DPP4: variants seen among roughly 807,000 people sequenced by gnomAD.
DPP4 encodes dipeptidyl peptidase 4.
Under a neutral mutation model 122.4 loss-of-function variants are expected in DPP4, and 93 were observed. The observed-to-expected ratio is 0.76, with a 90% CI of 0.64 to 0.90. DPP4 has a LOEUF of 0.90. Ranked by LOEUF, DPP4 falls within the 40% of genes least tolerant of loss-of-function variation. The probability of loss-of-function intolerance (pLI) is 0.00; values close to 1 mark genes in which losing one functional copy is unlikely to be tolerated. For synonymous variants in DPP4, 321 were observed against 302.9 expected, an observed-to-expected ratio of 1.06 and a Z score of -0.62; for missense variants, 914 against 907.3, an observed-to-expected ratio of 1.01 and a Z score of -0.09.
chr2:162,017,349 T>A, intron 16 of DPP4, 194 bp from the exon 17 acceptor site: 1 of 571,650 alleles, frequency 1.7e-6, no homozygotes, highest in Non-Finnish European at 3.1e-6. Context: ...AATTTCAGTG[T>A]AAGAAGTATT....
At chr2:162,043,496 CCAGTGACACAA>C (rs1684062955) in intron 5 of DPP4, among the ~76,000 whole-genome samples, 1 of 152,170 alleles carries the variant, frequency 6.6e-6, no homozygotes, top group Non-Finnish European at 1.5e-5. Context: ...CGGGTAAACT[CCAGTGACACAA>C]CAAATACAAA....
intron 2 of DPP4, among the ~76,000 whole-genome samples, chr2:162,073,049 T>C (rs1047151012): frequency 6.6e-6 from 1 of 152,070 alleles, no homozygotes. Flanking sequence ...CCTTTTTCGA[T>C]CACACCCAAA....
At chr2:162,065,789 G>A (rs1277346814) in intron 2 of DPP4, among the ~76,000 whole-genome samples, 1 of 152,264 alleles carries the variant, frequency 6.6e-6, no homozygotes, top group African/African-American at 2.4e-5. Context: ...TGCTTCCATA[G>A]CACTTTGATC....
intron 10 of DPP4, among the ~76,000 whole-genome samples, chr2:162,025,402 CT>C (rs1683290242): frequency 6.6e-6 from 1 of 152,142 alleles, no homozygotes; most frequent in African/African-American, 2.4e-5. Flanking sequence ...ACAGCTAACC[CT>C]TTTCTCAACT....
rs775610508 is a variant in DPP4 at position 162,008,575 on chromosome 2, C to T, written c.1974G>A (p.Arg658=). 5 of 1,613,600 alleles carry T rather than the reference C, an allele frequency of 3.1e-6. No individual in the cohort carries two copies. The highest frequency in any genetic ancestry group is 2.2e-5 in the East Asian group (1 of 44,874). Residue 658 remains arginine, a synonymous_variant, in exon 22 of 26, where the codon CGG becomes CGA. Coordinates refer to ENST00000360534, the MANE Select transcript of DPP4 (RefSeq NM_001935.4). ...KCGIAVAPVS[R]WEYYDSVYTE... ...GCAATTACATACCATAGTACTCCCA[C>T]CGGGATACAGGCGCCACGGCTATTC...
At chr2:162,000,366 G>C (rs556134810) in intron 23 of DPP4, among the ~76,000 whole-genome samples, 1 of 152,230 alleles carries the variant, frequency 6.6e-6, no homozygotes, top group East Asian at 1.9e-4. Context: ...GTACCCATGG[G>C]ATGCCAAGGA....
At chr2:162,013,996 G>A (rs1682810980) in intron 19 of DPP4, among the ~76,000 whole-genome samples, 4 of 152,014 alleles carry the variant, frequency 2.6e-5, no homozygotes, top group Admixed American at 2.6e-4. Flanking sequence ...AATATTTCAG[G>A]AACTAAAGGA....
In DPP4 at chr2:161,995,029, C is replaced by T. The variant is rs199667955; in HGVS notation, c.2131G>A (p.Val711Ile). 3.3e-5 allele frequency: 54 copies of T among 1,613,794 alleles called. No homozygotes were observed. The highest frequency in any genetic ancestry group is 4.4e-5 in the Non-Finnish European group (52 of 1,179,942). The change falls in exon 25 of 26, where the codon GTT becomes ATT. Residue 711 changes from valine (V) to isoleucine (I), a missense_variant. Transcript: ENST00000360534. ...ATCTGAGCTGACTGCTGAAAGTGAA[C>T]GTTATCTGCAGGGAGAGAAAGGAAA... Reference protein sequence around the residue: ...LLIHGTADDNVHFQQSAQISK... With the variant: ...LLIHGTADDNIHFQQSAQISK...
chr2:162,022,107 G>A (rs1559712177), intron 12 of DPP4, among the ~76,000 whole-genome samples: 1 of 152,150 alleles, frequency 6.6e-6, no homozygotes, highest in Non-Finnish European at 1.5e-5. Flanking sequence ...GTGACATGAT[G>A]ACTGGAGTTC....
intron 8 of DPP4, among the ~76,000 whole-genome samples, chr2:162,035,602 T>A (rs1357223910): frequency 6.6e-6 from 1 of 152,216 alleles, no homozygotes; most frequent in Non-Finnish European, 1.5e-5. Flanking sequence ...TTCTTTATCT[T>A]ATAATCCTCT....
At chr2:162,022,890 C>T (rs764834792) in intron 11 of DPP4, 91 bp from the exon 12 acceptor site, 32 of 1,228,000 alleles carry the variant, frequency 2.6e-5, no homozygotes, top group South Asian at 6.1e-5. Flanking sequence ...TAGAGCTGTA[C>T]TTATAATAAC....
chr2:162,070,835 T>C (rs2268886), intron 2 of DPP4, among the ~76,000 whole-genome samples: 5,440 of 152,234 alleles, frequency 0.036, 433 homozygotes, highest in East Asian at 0.27. Context: ...TAAACATACA[T>C]ACATACAAGT....
rs370351535 is a variant in DPP4, at chr2:162,033,377, C to T, written c.887+164G>A. Among the ~76,000 whole-genome samples the T allele has an allele frequency of 2.6e-4, 39 of 152,218 alleles. 1 individual carries two copies. In the East Asian group the frequency reaches 5.8e-3, roughly 23 times the overall value. On this transcript the variant is annotated intron_variant, in intron 10 of 25. Transcript: ENST00000360534. ...TCTAGAGTTGTGCCCAGCCTGAGGA[C>T]GTGAAGATGCTCAACAAAGAGTTGC... is the stretch of plus-strand genomic sequence containing the variant.
rs771372457 is a variant in DPP4 at position 162,073,964 on chromosome 2, C to A, written c.6+12G>T. On this transcript the variant is annotated intron_variant, in intron 1 of 25. Transcript: ENST00000360534. ...CAGCTCGCCCCGGGGACGTACGTGG[C>A]GCGGCACTCACCTTCATCGTCGGCG... is the stretch of plus-strand genomic sequence containing the variant. 6.8e-6 allele frequency: 11 copies of A among 1,611,648 alleles called. No homozygotes were observed. Among genetic ancestry groups the A allele is most frequent in the Non-Finnish European group, 5.1e-6 (6 of 1,178,874 alleles).
chr2:162,033,477 G>A (rs1683637813), intron 10 of DPP4, 64 bp downstream of exon 10: 2 of 1,326,160 alleles, frequency 1.5e-6, no homozygotes, highest in Non-Finnish European at 1.1e-6. Flanking sequence ...ATTCACTTTT[G>A]AAAAGTTCTC....
chr2:162,016,990 G>T, intron 17 of DPP4, 118 bp downstream of exon 17: 2 of 1,408,074 alleles, frequency 1.4e-6, no homozygotes, highest in Non-Finnish European at 2.0e-6. Flanking sequence ...TATAAGGCTT[G>T]TGTTCAACTC....
At chr2:162,053,957 G>A (rs1271003204) in intron 2 of DPP4, among the ~76,000 whole-genome samples, 5 of 152,164 alleles carry the variant, frequency 3.3e-5, no homozygotes, top group East Asian at 1.9e-4. Flanking sequence ...AATGTCAGCC[G>A]GGAGAGTCAC....
At chr2:162,065,069 T>C (rs776526980) in intron 2 of DPP4, among the ~76,000 whole-genome samples, 46 of 152,362 alleles carry the variant, frequency 3.0e-4, no homozygotes, top group Middle Eastern at 3.4e-3. Context: ...TCTCCTTCCA[T>C]GTGCTAGCAA....
chr2:162,067,063 A>G (rs1399598542), intron 2 of DPP4, among the ~76,000 whole-genome samples: 1 of 152,264 alleles, frequency 6.6e-6, no homozygotes, highest in African/African-American at 2.4e-5. Context: ...AGCATTCAAT[A>G]TATGTTTTTG....
Sources: allele counts gnomAD v4.1 joint callset (sites outside exome capture counted in the v4.1 genomes callset), GRCh38; gene constraint gnomAD v4.1.1; transcripts MANE v1.5; gene names NCBI Gene and HGNC (gene_info 2026-07-23, HGNC 2026-07-21).